EIF4G3: variants seen among roughly 807,000 people sequenced by gnomAD.
The protein encoded by EIF4G3 is eIF-4-gamma 3.
A neutral mutation model predicts 186.4 loss-of-function variants in EIF4G3; 34 were observed. That is an observed-to-expected ratio of 0.18 (90% CI 0.14 to 0.24). The LOEUF (loss-of-function observed/expected upper bound fraction) is 0.24, where lower values mean the gene tolerates loss of function less well. Ranked by LOEUF, EIF4G3 falls within the 10% of genes least tolerant of loss-of-function variation. EIF4G3 has a pLI of 1.00. For synonymous variants in EIF4G3, 673 were observed against 679.5 expected (o/e 0.99, Z 0.15); for missense variants, 1,536 against 1,948.5 (o/e 0.79, Z 3.99).
At chr1:20,893,748 G>A in intron 17 of EIF4G3, 112 bp from the exon 18 acceptor site, 1 of 1,256,306 alleles carries the variant, frequency 8.0e-7, no homozygotes, top group East Asian at 2.6e-5. Context: ...GTAAGCACCA[G>A]CTTTGGAACC....
chr1:21,102,794 T>C (rs2096550359), intron 2 of EIF4G3, among the ~76,000 whole-genome samples: 1 of 152,142 alleles, frequency 6.6e-6, no homozygotes, highest in African/African-American at 2.4e-5. Flanking sequence ...TCAGTAATAA[T>C]GGCAGCAAAT....
intron 14 of EIF4G3, among the ~76,000 whole-genome samples, chr1:20,933,678 A>G (rs1428591263): frequency 1.3e-5 from 2 of 152,066 alleles, no homozygotes; most frequent in Non-Finnish European, 2.9e-5. Flanking sequence ...ACAAAAACAA[A>G]AACAGGGCAC....
chr1:21,059,662 T>A (rs2094780951), intron 3 of EIF4G3, among the ~76,000 whole-genome samples: 1 of 152,150 alleles, frequency 6.6e-6, no homozygotes, highest in African/African-American at 2.4e-5. Context: ...TATTTTAACC[T>A]TAAAAAAGAA....
chr1:21,149,465 A>G (rs1438529926), intron 2 of EIF4G3, among the ~76,000 whole-genome samples: 1 of 152,210 alleles, frequency 6.6e-6, no homozygotes, highest in Non-Finnish European at 1.5e-5. Context: ...TGAATGAAGT[A>G]CTGTGTTACT....
At chr1:21,160,294 A>G (rs933873312) in intron 2 of EIF4G3, among the ~76,000 whole-genome samples, 4 of 152,214 alleles carry the variant, frequency 2.6e-5, no homozygotes, top group African/African-American at 7.2e-5. Flanking sequence ...CAAATGGAGG[A>G]AAGAAAGCTT....
intron 18 of EIF4G3, among the ~76,000 whole-genome samples, chr1:20,890,558 C>T (rs1036613137): frequency 1.3e-5 from 2 of 152,206 alleles, no homozygotes; most frequent in Non-Finnish European, 2.9e-5. Context: ...CAGGCTCAGG[C>T]AATCCTCCCA....
At chr1:21,097,538 G>A (rs1327917969) in intron 2 of EIF4G3, among the ~76,000 whole-genome samples, 3 of 152,016 alleles carry the variant, frequency 2.0e-5, no homozygotes, top group Admixed American at 6.6e-5. Context: ...CAAAAGGAAG[G>A]GGGCATTAGA....
chr1:21,100,780 T>C (rs768292589), intron 2 of EIF4G3, among the ~76,000 whole-genome samples: 1 of 152,180 alleles, frequency 6.6e-6, no homozygotes, highest in African/African-American at 2.4e-5. Context: ...AGAATTGTTA[T>C]GCAACAGTAA....
chr1:20,900,091 G>A (rs1054713783), intron 15 of EIF4G3, 148 bp from the exon 16 acceptor site: 15 of 843,620 alleles, frequency 1.8e-5, no homozygotes, highest in Middle Eastern at 3.6e-4. Context: ...TTAGAATGCT[G>A]AGTTTAAAAA....
chr1:21,055,726 C>T (rs906147384), intron 3 of EIF4G3, among the ~76,000 whole-genome samples: 1 of 151,776 alleles, frequency 6.6e-6, no homozygotes, highest in Non-Finnish European at 1.5e-5. Flanking sequence ...ATGGCAAAAA[C>T]AGGTAGAAAT....
chr1:20,942,051 G>C lies in EIF4G3; in HGVS notation c.1103C>G (p.Pro368Arg). Residue 368 changes from proline to arginine, a missense_variant, in exon 14 of 37, where the codon CCT becomes CGT. Physicochemically the swap from Pro to Arg is moderately radical, Grantham distance 103. Coordinates refer to ENST00000602326, the MANE Select transcript of EIF4G3 (RefSeq NM_001391906.1). ...TGTGCAAGATGTGAGGCTGGGTATAGGAATTGTGTCTTCTCTTGGGGATGA... is the reference window on the plus strand; with the variant it reads ...TGTGCAAGATGTGAGGCTGGGTATACGAATTGTGTCTTCTCTTGGGGATGA... ...ELSSPREDTI[P>R]IPSLTSCTET... The C allele has an allele frequency of 6.2e-7, 1 of 1,614,166 alleles. No individual in the cohort carries two copies. The highest frequency in any genetic ancestry group is 8.5e-7 in the Non-Finnish European group (1 of 1,180,022).
chr1:21,045,362 C>T (rs1412367060), intron 4 of EIF4G3, among the ~76,000 whole-genome samples: 5 of 152,134 alleles, frequency 3.3e-5, no homozygotes, highest in African/African-American at 1.2e-4. Flanking sequence ...AAGAACTCTG[C>T]TTAGTATTTC....
At chr1:21,084,222 T>C (rs2095883138) in intron 3 of EIF4G3, among the ~76,000 whole-genome samples, 1 of 148,224 alleles carries the variant, frequency 6.7e-6, no homozygotes, top group South Asian at 2.1e-4. Context: ...TACCTGAGAC[T>C]GTGTAATTTA....
intron 7 of EIF4G3, among the ~76,000 whole-genome samples, chr1:20,987,498 G>A (rs982859743): frequency 2.0e-5 from 3 of 152,098 alleles, no homozygotes; most frequent in African/African-American, 7.2e-5. Flanking sequence ...TGCTCATTTC[G>A]TGTTTGTCAC....
chr1:21,070,772 G>T (rs2095418767), intron 3 of EIF4G3, among the ~76,000 whole-genome samples: 1 of 152,030 alleles, frequency 6.6e-6, no homozygotes, highest in Admixed American at 6.6e-5. Context: ...GAATATCAAA[G>T]GTAAACTGAC....
At chr1:20,993,777 A>G (rs2081627528) in intron 7 of EIF4G3, among the ~76,000 whole-genome samples, 1 of 152,224 alleles carries the variant, frequency 6.6e-6, no homozygotes, top group African/African-American at 2.4e-5. Flanking sequence ...ATTCCACTTT[A>G]AGTCTTAAGT....
chr1:20,969,615 T>C lies in EIF4G3; in HGVS notation c.592-19A>G, dbSNP rs182902602. ...TTCTTATCTATAAGGTTAAATAAAA[T>C]GACATATGTACAGATGAGTGTCTGT... On this transcript the variant is annotated intron_variant, in intron 11 of 36. Transcript: ENST00000602326. 4,049 of 1,611,482 alleles carry C rather than the reference T, an allele frequency of 2.5e-3. 2 individuals are homozygous for C. The highest frequency in any genetic ancestry group is 3.1e-3 in the Non-Finnish European group (3,610 of 1,178,602).
At position 21,176,453 on chromosome 1, in the gene EIF4G3, G is replaced by A. The variant is rs1247653206; in HGVS notation, c.-455-95C>T. On this transcript the variant is annotated intron_variant, in intron 1 of 36. Transcript: ENST00000602326. Reference sequence around the variant, plus strand: ...CCGGGCGCGCCGGGGTGCAGGGGCCGGGGGCAGCGGGGGGGCGGGATGGGG... The same window carrying A: ...CCGGGCGCGCCGGGGTGCAGGGGCCAGGGGCAGCGGGGGGGCGGGATGGGG... 10 of 193,378 alleles carry A rather than the reference G, an allele frequency of 5.2e-5. No individual in the cohort carries two copies. In the East Asian group the frequency reaches 1.2e-3, roughly 23 times the overall value. 12.0% of individuals were successfully genotyped at this position (193,378 alleles called of 1,614,324 possible).
chr1:21,171,662 C>A (rs1228623014), intron 2 of EIF4G3, among the ~76,000 whole-genome samples: 1 of 152,188 alleles, frequency 6.6e-6, no homozygotes, highest in East Asian at 1.9e-4. Flanking sequence ...CTCCTCTCCA[C>A]TTGCAAGAAT....
Sources: gnomAD v4.1 joint callset for allele counts (sites outside exome capture counted in the v4.1 genomes callset) on GRCh38, gnomAD v4.1.1 for gene constraint, MANE v1.5 for transcripts, NCBI Gene and HGNC (gene_info 2026-07-23, HGNC 2026-07-21) for gene names.